Variants in ATP11B observed in about 807,000 individuals in gnomAD.
ATP11B encodes the protein phospholipid-transporting ATPase IF.
Under a neutral mutation model 157.8 loss-of-function variants are expected in ATP11B, and 81 were observed. That is an observed-to-expected ratio of 0.51 (90% CI 0.43 to 0.62). The LOEUF (loss-of-function observed/expected upper bound fraction) is 0.62. ATP11B is among the 20% of genes least tolerant of loss of function. ATP11B has a pLI of 0.00. For missense variants in ATP11B, 1,165 were observed against 1,402.2 expected, an observed-to-expected ratio of 0.83 and a Z score of 2.70; for synonymous variants, 451 against 469.4, an observed-to-expected ratio of 0.96 and a Z score of 0.51.
At chr3:182,902,553 C>T in intron 28 of ATP11B, 1 of 1,289,406 alleles carries the variant, frequency 7.8e-7, no homozygotes, top group Non-Finnish European at 1.0e-6. Flanking sequence ...AAGGAATCAG[C>T]TGAGCAAACT....
chr3:182,883,314 A>G (rs1404331234), intron 21 of ATP11B, among the ~76,000 whole-genome samples: 1 of 151,604 alleles, frequency 6.6e-6, no homozygotes, highest in Non-Finnish European at 1.5e-5. Context: ...CTGGAGTGCA[A>G]TGGCTCAATC....
intron 2 of ATP11B, among the ~76,000 whole-genome samples, chr3:182,822,288 C>T (rs1210007897): frequency 6.6e-6 from 1 of 152,026 alleles, no homozygotes; most frequent in Admixed American, 6.6e-5. Context: ...CCACGAGAGG[C>T]CCCAGTGTGT....
Position 182,866,538 on chromosome 3 carries a change from C to T in ATP11B, c.1619+95C>T, listed in dbSNP as rs113174228. 1.0e-4 allele frequency: 115 copies of T among 1,107,456 alleles called. No individual in the cohort carries two copies. In the African/African-American group the frequency reaches 1.6e-3, roughly 16 times the overall value. The allele number at this position is 1,107,456 out of a possible 1,614,324, so 68.6% of individuals were successfully genotyped here. A position where few individuals can be genotyped will look rare whatever the true frequency, so the allele number is the denominator to read the frequency against. The stretch of plus-strand genomic sequence containing the variant: ...CATTTAAAATTTTCAAACATAAATT[C>T]GTCATTTTAAGTTGTCAGAATTCAT... On this transcript the variant is annotated intron_variant, in intron 14 of 29. Transcript: ENST00000323116.
intron 10 of ATP11B, among the ~76,000 whole-genome samples, chr3:182,854,644 A>G (rs1266980616): frequency 6.6e-6 from 1 of 152,188 alleles, no homozygotes; most frequent in East Asian, 1.9e-4. Flanking sequence ...CAGGCTAAAC[A>G]TTTAAAGAAA....
intron 24 of ATP11B, among the ~76,000 whole-genome samples, chr3:182,888,136 A>G (rs1015092023): frequency 6.6e-6 from 1 of 152,196 alleles, no homozygotes; most frequent in African/African-American, 2.4e-5. Flanking sequence ...TCTCTGCTTT[A>G]TTCCTGCTTC....
intron 1 of ATP11B, among the ~76,000 whole-genome samples, chr3:182,798,718 G>A (rs575230511): frequency 1.3e-5 from 2 of 152,226 alleles, no homozygotes; most frequent in Non-Finnish European, 2.9e-5. Context: ...CTGTCGAAAT[G>A]TAGGCACTTG....
chr3:182,905,920 G>C (rs1417602598), intron 28 of ATP11B: 1 of 456,336 alleles, frequency 2.2e-6, no homozygotes, highest in Non-Finnish European at 4.4e-6. Context: ...CGTGCACTAG[G>C]TAGTACTGCG....
rs757172293 is a variant in ATP11B at position 182,887,598 on chromosome 3, A to G, written c.2728A>G (p.Ser910Gly). The G allele has an allele frequency of 5.0e-6, 8 of 1,609,810 alleles. No homozygotes were observed. The South Asian group carries it at 5.6e-5, about 11-fold the overall frequency. Reference sequence around the variant, plus strand: ...TTTCTCTTTCTAGACATTGTATGACAGCGTGTACCTGACTTTATACAATAT... The same window carrying G: ...TTTCTCTTTCTAGACATTGTATGACGGCGTGTACCTGACTTTATACAATAT... Reference protein sequence around the residue: ...CLFSQQTLYDSVYLTLYNICF... With the variant: ...CLFSQQTLYDGVYLTLYNICF... The change falls in exon 24 of 30, where the codon AGC becomes GGC. Residue 910 changes from serine (S) to glycine (G), a missense_variant. Ser to Gly is a moderately conservative substitution (Grantham distance 56, BLOSUM62 0). This residue lies in a region of ATP11B where 737 missense variants were observed against 930.5 expected (regional missense o/e 0.79). Transcript: ENST00000323116.
At chr3:182,913,838 G>A in intron 28 of ATP11B, 23 bp from the exon 29 acceptor site, 1 of 1,613,938 alleles carries the variant, frequency 6.2e-7, no homozygotes, top group South Asian at 1.1e-5. Flanking sequence ...AACAACTGAT[G>A]TTTTCTGCTT....
Position 182,868,082 on chromosome 3 carries a change from G to A in ATP11B, c.1688+638G>A, listed in dbSNP as rs144049143. The stretch of plus-strand genomic sequence containing the variant: ...TATTTCATCTATATTTTAACTTAAT[G>A]ATTCTTGAATTTACTTGTATGTTTA... On this transcript the variant is annotated intron_variant, in intron 15 of 29. Coordinates refer to ENST00000323116, the MANE Select transcript of ATP11B (RefSeq NM_014616.3). Among the ~76,000 whole-genome samples the A allele has an allele frequency of 2.0e-5, 3 of 152,006 alleles. No homozygotes were observed. The East Asian group carries it at 5.8e-4, about 29-fold the overall frequency.
intron 7 of ATP11B, among the ~76,000 whole-genome samples, chr3:182,840,844 C>G (rs1477759040): frequency 6.6e-6 from 1 of 152,188 alleles, no homozygotes; most frequent in Non-Finnish European, 1.5e-5. Context: ...ATTTTATAGT[C>G]TGTTCTCACA....
chr3:182,910,706 C>T (rs1724716294), intron 28 of ATP11B, among the ~76,000 whole-genome samples: 1 of 152,196 alleles, frequency 6.6e-6, no homozygotes, highest in Admixed American at 6.5e-5. Context: ...GGTGTCATCT[C>T]GATGAATTTC....
Position 182,793,758 on chromosome 3 carries a change from G to C in ATP11B, c.-2G>C, listed in dbSNP as rs764064739. ...CGGGACCCGGACGGCGACGACGGGG[G>C]AATGTGGCGCTGGATCCGGCAGCAG... On this transcript the variant is annotated 5_prime_UTR_variant, in exon 1 of 30. Transcript: ENST00000323116. 6 of 1,412,374 alleles carry C rather than the reference G, an allele frequency of 4.2e-6. No homozygotes were observed. The East Asian group carries it at 1.9e-4, about 45-fold the overall frequency. 87.5% of individuals were successfully genotyped at this position (1,412,374 alleles called of 1,614,324 possible).
chr3:182,794,007 C>A (rs1340459873), intron 1 of ATP11B, among the ~76,000 whole-genome samples: 1 of 151,928 alleles, frequency 6.6e-6, no homozygotes, highest in Non-Finnish European at 1.5e-5. Flanking sequence ...TGGCGCCGAG[C>A]GGCCGGAGGC....
chr3:182,858,627 A>G (rs1289627907), intron 11 of ATP11B, among the ~76,000 whole-genome samples: 4 of 152,164 alleles, frequency 2.6e-5, no homozygotes, highest in African/African-American at 9.6e-5. Flanking sequence ...ATCATTCACA[A>G]TTAGGTACAT....
intron 10 of ATP11B, among the ~76,000 whole-genome samples, chr3:182,851,566 T>A (rs1038716883): frequency 7.2e-5 from 11 of 152,214 alleles, no homozygotes; most frequent in African/African-American, 2.7e-4. Flanking sequence ...TCTTACATTT[T>A]ACATGAAATA....
chr3:182,850,030 A>G (rs1719847782), intron 10 of ATP11B, among the ~76,000 whole-genome samples: 1 of 152,240 alleles, frequency 6.6e-6, no homozygotes, highest in African/African-American at 2.4e-5. Context: ...TCACATGTAA[A>G]TGAATAACAA....
intron 7 of ATP11B, among the ~76,000 whole-genome samples, chr3:182,840,476 T>C (rs1260024559): frequency 1.3e-5 from 2 of 152,220 alleles, no homozygotes; most frequent in Non-Finnish European, 2.9e-5. Flanking sequence ...CCCAGACTTC[T>C]TTCCTAAACT....
At chr3:182,826,015 C>T (rs1368906331) in intron 2 of ATP11B, among the ~76,000 whole-genome samples, 2 of 152,142 alleles carry the variant, frequency 1.3e-5, no homozygotes, top group African/African-American at 2.4e-5. Flanking sequence ...AGAGAAGTTA[C>T]ACTTCTAATT....
Sources: allele counts gnomAD v4.1 joint callset (sites outside exome capture counted in the v4.1 genomes callset), GRCh38; gene constraint gnomAD v4.1.1; regional missense constraint gnomAD v4.1.1; transcripts MANE v1.5; gene names NCBI Gene and HGNC (gene_info 2026-07-23, HGNC 2026-07-21).